Variants in SLC24A3 observed in about 807,000 individuals in gnomAD.
The protein encoded by SLC24A3 is solute carrier family 24 member 3, also known as sodium/potassium/calcium exchanger 3.
Under a neutral mutation model 75.8 loss-of-function variants are expected in SLC24A3, and 28 were observed. The observed-to-expected ratio is 0.37, with a 90% CI of 0.27 to 0.51. The LOEUF (loss-of-function observed/expected upper bound fraction) is 0.51. Among genes scored for constraint, SLC24A3 ranks in the 20% least tolerant of loss-of-function variants. SLC24A3 has a pLI of 0.94. For synonymous variants in SLC24A3, 372 were observed against 334.1 expected (o/e 1.11, Z -1.24); for missense variants, 663 against 847.8 (o/e 0.78, Z 2.71).
chr20:19,327,694 C>T (rs1344959247), intron 2 of SLC24A3, among the ~76,000 whole-genome samples: 2 of 152,214 alleles, frequency 1.3e-5, no homozygotes, highest in Non-Finnish European at 2.9e-5. Context: ...CTCAGGACGC[C>T]TGTGGCTTTC....
At chr20:19,605,837 T>C (rs1490290405) in intron 6 of SLC24A3, among the ~76,000 whole-genome samples, 2 of 152,190 alleles carry the variant, frequency 1.3e-5, no homozygotes, top group Non-Finnish European at 2.9e-5. Flanking sequence ...TTTTTTTCCC[T>C]AACTCCTCCA....
At chr20:19,647,136 A>T (rs901195230) in intron 6 of SLC24A3, among the ~76,000 whole-genome samples, 1 of 151,782 alleles carries the variant, frequency 6.6e-6, no homozygotes, top group African/African-American at 2.4e-5. Flanking sequence ...GTGGATTAAT[A>T]CCCCAGCTCC....
At chr20:19,441,900 C>T (rs1235222799) in intron 2 of SLC24A3, among the ~76,000 whole-genome samples, 1 of 152,126 alleles carries the variant, frequency 6.6e-6, no homozygotes, top group Non-Finnish European at 1.5e-5. Flanking sequence ...CATAAAACCA[C>T]TGATTTTTTT....
intron 8 of SLC24A3, among the ~76,000 whole-genome samples, chr20:19,669,667 T>A (rs1600330978): frequency 6.6e-6 from 1 of 152,218 alleles, no homozygotes; most frequent in East Asian, 1.9e-4. Flanking sequence ...GTTTGGTTTC[T>A]TCTTTTGAGT....
At chr20:19,431,613 A>T (rs925516307) in intron 2 of SLC24A3, among the ~76,000 whole-genome samples, 4 of 152,050 alleles carry the variant, frequency 2.6e-5, no homozygotes, top group Non-Finnish European at 5.9e-5. Context: ...GAGCAATTGG[A>T]GGAGGTAGAT....
Position 19,577,302 on chromosome 20 carries a change from G to C in SLC24A3, c.349-2698G>C, listed in dbSNP as rs140574781. ...AATCTCATGACCTTGTGATCTGCCCGCCTCGGCCTCCCAAAGTGCTGGGAT... is the reference window on the plus strand; with the variant it reads ...AATCTCATGACCTTGTGATCTGCCCCCCTCGGCCTCCCAAAGTGCTGGGAT... On this transcript the variant is annotated intron_variant, in intron 3 of 16. Coordinates refer to ENST00000328041, the MANE Select transcript of SLC24A3 (RefSeq NM_020689.4). 7.2e-3 allele frequency among the ~76,000 whole-genome samples: 1,101 copies of C among 152,234 alleles called. 11 individuals carry two copies. Among genetic ancestry groups the C allele is most frequent in the African/African-American group, 0.025 (1,044 of 41,530 alleles).
At chr20:19,644,617 A>T (rs1483102133) in intron 6 of SLC24A3, among the ~76,000 whole-genome samples, 1 of 152,172 alleles carries the variant, frequency 6.6e-6, no homozygotes, top group Non-Finnish European at 1.5e-5. Flanking sequence ...AAAACTGTAA[A>T]TATAGCCAAA....
chr20:19,712,452 G>A (rs2033002373), intron 15 of SLC24A3, among the ~76,000 whole-genome samples: 1 of 152,090 alleles, frequency 6.6e-6, no homozygotes, highest in Admixed American at 6.5e-5. Flanking sequence ...CTTGGAAGAG[G>A]CAAAAGGACT....
Position 19,717,534 on chromosome 20 carries a change from C to A in SLC24A3, c.1726C>A (p.Leu576Met). The change falls in exon 16 of 17, where the codon CTG (leucine) becomes ATG (methionine). Residue 576 changes from leucine to methionine, a missense_variant. By Grantham distance (15) the Leu-to-Met change is conservative (BLOSUM62 2). Around this residue, in one of 2 missense-constraint regions of SLC24A3, gnomAD observed 510 missense variants for 703.6 expected, o/e 0.72. Transcript: ENST00000328041. ...LAVDYGSYIRLNSRGLIYSVG... is the reference protein window; with the variant it reads ...LAVDYGSYIRMNSRGLIYSVG... ...CTCTAACCCTCTCTTACAGATCCGG[C>A]TGAATAGCAGGGGGCTGATCTACTC... 6.2e-7 allele frequency: 1 copy of A among 1,614,038 alleles called. No homozygotes were observed. The highest frequency in any genetic ancestry group is 8.5e-7 in the Non-Finnish European group (1 of 1,179,914).
chr20:19,592,646 A>T (rs1476508250), intron 6 of SLC24A3, among the ~76,000 whole-genome samples: 1 of 152,132 alleles, frequency 6.6e-6, no homozygotes, highest in South Asian at 2.1e-4. Flanking sequence ...GACTCCTTCC[A>T]TGTAGTTTTC....
chr20:19,582,705 G>A (rs938220413), intron 4 of SLC24A3, among the ~76,000 whole-genome samples: 3 of 152,072 alleles, frequency 2.0e-5, no homozygotes, highest in Non-Finnish European at 2.9e-5. Flanking sequence ...GTGCAGAGAG[G>A]GTCTCCAGAG....
At chr20:19,318,140 G>A (rs1600426365) in intron 2 of SLC24A3, among the ~76,000 whole-genome samples, 1 of 152,152 alleles carries the variant, frequency 6.6e-6, no homozygotes, top group African/African-American at 2.4e-5. Context: ...TCTGAGGCAC[G>A]AGTCTGCACT....
chr20:19,271,299 T>A (rs1468078283), intron 1 of SLC24A3, among the ~76,000 whole-genome samples: 1 of 150,950 alleles, frequency 6.6e-6, no homozygotes, highest in Non-Finnish European at 1.5e-5. Context: ...ACTACCTTAC[T>A]CCTGCAAGAA....
At chr20:19,496,767 G>C (rs2122536940) in intron 2 of SLC24A3, among the ~76,000 whole-genome samples, 1 of 152,250 alleles carries the variant, frequency 6.6e-6, no homozygotes, top group South Asian at 2.1e-4. Context: ...CTGGGTGCTG[G>C]CTCCTGAGTG....
At position 19,304,739 on chromosome 20, in the gene SLC24A3, A is replaced by C. The variant is rs192314484; in HGVS notation, c.271+23652A>C. On this transcript the variant is annotated intron_variant, in intron 2 of 16. Transcript: ENST00000328041. ...TTTTACAAGGGGGAAAAAAGCATGC[A>C]AGAAAATGCTGATTACCAACAAAAG... 8.3e-4 allele frequency among the ~76,000 whole-genome samples: 127 copies of C among 152,336 alleles called. 1 individual carries two copies. Among genetic ancestry groups the C allele is most frequent in the African/African-American group, 2.9e-3 (122 of 41,580 alleles).
At chr20:19,497,049 C>T (rs1197570980) in intron 2 of SLC24A3, among the ~76,000 whole-genome samples, 1 of 152,162 alleles carries the variant, frequency 6.6e-6, no homozygotes, top group African/African-American at 2.4e-5. Flanking sequence ...CCATTTACCC[C>T]ATGGGGTACC....
chr20:19,285,256 T>C (rs1983783121), intron 2 of SLC24A3, among the ~76,000 whole-genome samples: 1 of 152,082 alleles, frequency 6.6e-6, no homozygotes, highest in South Asian at 2.1e-4. Flanking sequence ...GGCGGGTGGA[T>C]TACTTGAGGC....
At chr20:19,553,652 G>A (rs554712662) in intron 3 of SLC24A3, among the ~76,000 whole-genome samples, 3 of 152,250 alleles carry the variant, frequency 2.0e-5, no homozygotes, top group African/African-American at 4.8e-5. Flanking sequence ...TGGTAGCACC[G>A]ATGCTGTCCA....
intron 6 of SLC24A3, among the ~76,000 whole-genome samples, chr20:19,653,328 T>A (rs772521531): frequency 1.6e-4 from 25 of 152,218 alleles, no homozygotes; most frequent in Non-Finnish European, 2.9e-4. Flanking sequence ...AGAGCCAGCA[T>A]CTCTTTAAAA....
Sources: gnomAD v4.1 joint callset for allele counts (sites outside exome capture counted in the v4.1 genomes callset) on GRCh38, gnomAD v4.1.1 for gene constraint, gnomAD v4.1.1 regional missense constraint, MANE v1.5 for transcripts, NCBI Gene and HGNC (gene_info 2026-07-23, HGNC 2026-07-21) for gene names.